The following HS2ST1 variants were observed in gnomAD, a reference collection of about 807,000 sequenced individuals.
HS2ST1 encodes the protein heparan sulfate 2-O-sulfotransferase 1, also known as 2-O-sulfotransferase.
In HS2ST1, 18 loss-of-function variants were observed where a neutral mutation model predicts 42.9. That is an observed-to-expected ratio of 0.42 (90% CI 0.29 to 0.62). The LOEUF (loss-of-function observed/expected upper bound fraction) is 0.62, where lower values mean the gene tolerates loss of function less well. Ranked by LOEUF, HS2ST1 falls within the 20% of genes least tolerant of loss-of-function variation. The pLI is 0.21. For synonymous variants in HS2ST1, 146 were observed against 152.9 expected (o/e 0.95, Z 0.33); for missense variants, 334 against 433.8 (o/e 0.77, Z 2.04).
At chr1:87,035,635 T>A (rs569523037) in intron 1 of HS2ST1, among the ~76,000 whole-genome samples, 1 of 152,198 alleles carries the variant, frequency 6.6e-6, no homozygotes, top group African/African-American at 2.4e-5. Context: ...TATAGACATC[T>A]TCTGTACATA....
chr1:86,924,003 A>G (rs1329409523), intron 1 of HS2ST1, among the ~76,000 whole-genome samples: 5 of 152,230 alleles, frequency 3.3e-5, no homozygotes, highest in African/African-American at 4.8e-5. Flanking sequence ...AGACAAGGCA[A>G]GTCCCTTCTG....
At chr1:86,926,035 G>T (rs905186447) in intron 1 of HS2ST1, among the ~76,000 whole-genome samples, 1 of 152,184 alleles carries the variant, frequency 6.6e-6, no homozygotes, top group Non-Finnish European at 1.5e-5. Context: ...TCCAGAGACA[G>T]TTTTGTCTTT....
At chr1:87,057,914 G>T (rs1426306384) in intron 1 of HS2ST1, among the ~76,000 whole-genome samples, 1 of 151,676 alleles carries the variant, frequency 6.6e-6, no homozygotes. Flanking sequence ...AAATACATCT[G>T]GGTGAAACTG....
chr1:86,948,127 A>G (rs1570439433), intron 1 of HS2ST1, among the ~76,000 whole-genome samples: 1 of 78,224 alleles, frequency 1.3e-5, no homozygotes, highest in East Asian at 2.1e-4. Flanking sequence ...TCCAGAAACA[A>G]AAAAAAAACA....
chr1:87,045,550 G>T (rs1170188728), intron 1 of HS2ST1: 2 of 802,004 alleles, frequency 2.5e-6, no homozygotes, highest in Non-Finnish European at 2.3e-6. Flanking sequence ...GGAGGATCCA[G>T]TGCACAAGGC....
intron 1 of HS2ST1, among the ~76,000 whole-genome samples, chr1:86,928,180 G>A (rs1660461252): frequency 7.9e-5 from 12 of 152,076 alleles, no homozygotes; most frequent in African/African-American, 2.6e-4. Context: ...TTGATGATTA[G>A]GGCTATCTGC....
At position 87,105,993 on chromosome 1, in the gene HS2ST1, G is replaced by A. The variant is rs1463682118; in HGVS notation, c.*1297G>A. ...TGCCTCAATTTCCTCATCTTGAAAT[G>A]AGGATAATAATACCTGCTGTACCTA... On this transcript the variant is annotated 3_prime_UTR_variant, in exon 7 of 7. Coordinates refer to ENST00000370550, the MANE Select transcript of HS2ST1 (RefSeq NM_012262.4). 1 of 152,666 alleles carries A rather than the reference G, an allele frequency of 6.6e-6. No individual in the cohort carries two copies. 9.5% of individuals were successfully genotyped at this position (152,666 alleles called of 1,614,324 possible). A position where few individuals can be genotyped will look rare whatever the true frequency, so the allele number is the denominator to read the frequency against.
intron 1 of HS2ST1, among the ~76,000 whole-genome samples, chr1:86,954,367 C>T (rs1394714816): frequency 6.6e-6 from 1 of 152,032 alleles, no homozygotes; most frequent in Non-Finnish European, 1.5e-5. Context: ...AAGGCAGTAT[C>T]TGTGAAGTGC....
At chr1:87,027,784 G>A (rs1650126237) in intron 1 of HS2ST1, among the ~76,000 whole-genome samples, 1 of 152,232 alleles carries the variant, frequency 6.6e-6, no homozygotes, top group African/African-American at 2.4e-5. Flanking sequence ...TGCCTCCTAA[G>A]TTCAAGAGAT....
At chr1:87,069,484 C>A (rs1353403715) in intron 1 of HS2ST1, among the ~76,000 whole-genome samples, 1 of 152,050 alleles carries the variant, frequency 6.6e-6, no homozygotes, top group Non-Finnish European at 1.5e-5. Context: ...AAGAAAATGA[C>A]CATATTGAAA....
At chr1:86,947,361 C>G (rs554168393) in intron 1 of HS2ST1, among the ~76,000 whole-genome samples, 28 of 152,258 alleles carry the variant, frequency 1.8e-4, no homozygotes, top group Non-Finnish European at 3.4e-4. Context: ...GAAATATGTT[C>G]AGAAATTCTT....
In HS2ST1 at chr1:86,982,574, G is replaced by A. The variant is rs543080753; in HGVS notation, c.124+67414G>A. On this transcript the variant is annotated intron_variant, in intron 1 of 6. Transcript: ENST00000370550. ...GTGTCGCCCAGGCTGGAGTGCAGTG[G>A]CGCCATCTCAGCTCACTGCAAGCTC... Among the ~76,000 whole-genome samples, 182 of 152,056 alleles carry A rather than the reference G, an allele frequency of 1.2e-3. 1 individual carries two copies. The highest frequency in any genetic ancestry group is 4.1e-3 in the African/African-American group (171 of 41,488).
chr1:87,019,766 A>G (rs1570490220), intron 1 of HS2ST1, among the ~76,000 whole-genome samples: 1 of 152,232 alleles, frequency 6.6e-6, no homozygotes, highest in South Asian at 2.1e-4. Context: ...AGAATTTTAA[A>G]TGATCATTGT....
intron 1 of HS2ST1, among the ~76,000 whole-genome samples, chr1:86,946,017 G>A (rs1647321455): frequency 2.0e-5 from 3 of 152,174 alleles, no homozygotes; most frequent in Non-Finnish European, 4.4e-5. Context: ...CTCTTTCTAA[G>A]TCTTAAGTAT....
At chr1:86,945,684 T>C (rs748098956) in intron 1 of HS2ST1, among the ~76,000 whole-genome samples, 4 of 152,220 alleles carry the variant, frequency 2.6e-5, no homozygotes, top group Non-Finnish European at 4.4e-5. Flanking sequence ...TGATTATGAA[T>C]ATGCCAGGCA....
At chr1:87,000,732 C>T (rs1471057983) in intron 1 of HS2ST1, among the ~76,000 whole-genome samples, 1 of 152,196 alleles carries the variant, frequency 6.6e-6, no homozygotes, top group Non-Finnish European at 1.5e-5. Flanking sequence ...TAGGGCATGA[C>T]AGTCATTTAC....
chr1:87,034,981 T>C (rs1650335820), intron 1 of HS2ST1, among the ~76,000 whole-genome samples: 1 of 152,024 alleles, frequency 6.6e-6, no homozygotes, highest in Non-Finnish European at 1.5e-5. Context: ...AGAATCAGAG[T>C]CCTAAAGAAA....
At chr1:87,091,912 C>A (rs532423482) in intron 3 of HS2ST1, among the ~76,000 whole-genome samples, 382 of 152,138 alleles carry the variant, frequency 2.5e-3, no homozygotes, top group Non-Finnish European at 4.4e-3. Context: ...TCACCTCTAT[C>A]TTGTCTTTAA....
chr1:87,022,287 G>A (rs1407270672), intron 1 of HS2ST1, among the ~76,000 whole-genome samples: 2 of 151,984 alleles, frequency 1.3e-5, no homozygotes, highest in African/African-American at 4.8e-5. Context: ...GATTTACAAA[G>A]CTGCCAACAC....
Sources: gnomAD v4.1 joint callset for allele counts (sites outside exome capture counted in the v4.1 genomes callset) on GRCh38, gnomAD v4.1.1 for gene constraint, MANE v1.5 for transcripts, NCBI Gene and HGNC (gene_info 2026-07-23, HGNC 2026-07-21) for gene names.